LITAF: variants seen among roughly 807,000 people sequenced by gnomAD.
LITAF encodes the protein lipopolysaccharide induced TNF factor.
A neutral mutation model predicts 14.5 loss-of-function variants in LITAF; 9 were observed. The ratio of observed to expected loss-of-function variants is 0.62; its 90% CI spans 0.37 to 1.08. The LOEUF is 1.08. Among genes scored for constraint, LITAF ranks in the 50% least tolerant of loss-of-function variants. LITAF has a pLI of 0.01. For synonymous variants in LITAF, 98 were observed against 88.2 expected, an observed-to-expected ratio of 1.11 and a Z score of -0.62; for missense variants, 206 against 213.4, an observed-to-expected ratio of 0.97 and a Z score of 0.22.
upstream of LITAF, among the ~76,000 whole-genome samples, chr16:11,599,755 C>T (rs560871633): frequency 3.9e-5 from 6 of 152,140 alleles, no homozygotes; most frequent in Admixed American, 2.6e-4. Context: ...TCACTCCACT[C>T]CAGCCACAGG....
chr16:11,619,268 A>G (rs941869279), intron 3 of LITAF, among the ~76,000 whole-genome samples: 3 of 151,832 alleles, frequency 2.0e-5, no homozygotes, highest in Non-Finnish European at 4.4e-5. Flanking sequence ...CCGAGATCAC[A>G]TCACTGTACT....
intron 3 of LITAF, among the ~76,000 whole-genome samples, chr16:11,552,419 C>T (rs8048403): frequency 0.15 from 23,139 of 152,086 alleles, 1,914 homozygotes; most frequent in Non-Finnish European, 0.18. Context: ...AAAAATACTT[C>T]GGGTCATAAA....
intron 1 of LITAF, among the ~76,000 whole-genome samples, chr16:11,575,944 A>C (rs1333493923): frequency 6.6e-6 from 1 of 152,178 alleles, no homozygotes; most frequent in Non-Finnish European, 1.5e-5. Context: ...GCAGTGGCGC[A>C]ATCATAGCTT....
At chr16:11,635,886 T>G (rs1567270193) in exon 2 of LITAF, 1 of 152,228 alleles carries the variant, frequency 6.6e-6, no homozygotes, top group Non-Finnish European at 1.5e-5. Flanking sequence ...CACGGGCACA[T>G]GGGGCCAGAC....
chr16:11,556,807 C>A, intron 1 of LITAF, 72 bp from the exon 2 acceptor site: 1 of 1,300,284 alleles, frequency 7.7e-7, no homozygotes, highest in East Asian at 2.3e-5. Context: ...CCTAAGTCTT[C>A]AATTTTCTTT....
intron 1 of LITAF, among the ~76,000 whole-genome samples, chr16:11,595,665 C>T (rs888069719): frequency 3.3e-5 from 5 of 152,072 alleles, no homozygotes; most frequent in Non-Finnish European, 5.9e-5. Flanking sequence ...GGAGGCGGAG[C>T]TTGCAGTGAG....
At chr16:11,582,680 T>C (rs1043996025) in intron 1 of LITAF, among the ~76,000 whole-genome samples, 5 of 152,128 alleles carry the variant, frequency 3.3e-5, no homozygotes, top group African/African-American at 7.2e-5. Context: ...CACATGCAAA[T>C]TGTCAGGTCC....
chr16:11,557,605 C>A (rs956423963), intron 1 of LITAF, among the ~76,000 whole-genome samples: 1 of 152,006 alleles, frequency 6.6e-6, no homozygotes, highest in East Asian at 1.9e-4. Flanking sequence ...ATGTGCCCCC[C>A]CGCCCGGCTA....
At chr16:11,624,205 G>C (rs1468958585) in intron 3 of LITAF, among the ~76,000 whole-genome samples, 1 of 152,108 alleles carries the variant, frequency 6.6e-6, no homozygotes, top group African/African-American at 2.4e-5. Context: ...TTCATTATCA[G>C]GTAGGCCTTT....
intron 1 of LITAF, among the ~76,000 whole-genome samples, chr16:11,597,980 C>A (rs954012642): frequency 2.0e-5 from 3 of 152,154 alleles, no homozygotes; most frequent in Non-Finnish European, 4.4e-5. Flanking sequence ...TATCATAGCT[C>A]ACTGCAGCCT....
At chr16:11,626,537 AC>A (rs752477977) in intron 3 of LITAF, among the ~76,000 whole-genome samples, 3 of 151,996 alleles carry the variant, frequency 2.0e-5, no homozygotes, top group Non-Finnish European at 4.4e-5. Context: ...GACCAATTTC[AC>A]CATATTGGCC....
chr16:11,604,507 C>T (rs1229943603), intron 3 of LITAF, among the ~76,000 whole-genome samples: 2 of 151,816 alleles, frequency 1.3e-5, no homozygotes, highest in African/African-American at 2.4e-5. Flanking sequence ...GCACAAATGC[C>T]ATCATCAAGA....
At chr16:11,638,032 C>CTATATATATCTA (rs1368034314), upstream of LITAF, among the ~76,000 whole-genome samples, 22 of 83,404 alleles carry the variant, frequency 2.6e-4, 3 homozygotes, top group East Asian at 3.7e-3. Flanking sequence ...ATCTATATAT[C>CTATATATATCTA]TATATATATC....
rs2065123931 is a variant in LITAF at position 11,632,749 on chromosome 16, AG to A, written c.85+783del. 6.6e-6 allele frequency among the ~76,000 whole-genome samples: 1 copy of A among 152,200 alleles called. No homozygotes were observed. Among genetic ancestry groups the A allele is most frequent in the Non-Finnish European group, 1.5e-5 (1 of 68,014 alleles). ...TCTGCTGGCTCTGAGCGCAGAGTCC[AG>A]CCCCCATGCACATGACTATGTGGTG... On this transcript the variant is annotated intron_variant, in intron 3 of 3. Coordinates refer to the LITAF transcript ENST00000574848. This position sits in a 1 kb window ranked among gnomAD's most constrained non-coding sequence, Gnocchi z 4.8.
chr16:11,628,009 C>CAAAA (rs34480494), intron 3 of LITAF, among the ~76,000 whole-genome samples: 6 of 54,710 alleles, frequency 1.1e-4, no homozygotes, highest in Admixed American at 2.0e-4. Flanking sequence ...GAGACTCTGT[C>CAAAA]AAAAAAAAAA....
At chr16:11,556,477 G>A (rs1306707404) in intron 2 of LITAF, 34 bp downstream of exon 2, 20 of 1,579,732 alleles carry the variant, frequency 1.3e-5, no homozygotes, top group Admixed American at 5.2e-5. Flanking sequence ...GAGGGCCAAG[G>A]AATGGTAAGG....
intron 3 of LITAF, among the ~76,000 whole-genome samples, chr16:11,607,191 G>A (rs957861575): frequency 6.6e-6 from 1 of 152,148 alleles, no homozygotes; most frequent in Non-Finnish European, 1.5e-5. Context: ...CACTCTCAGG[G>A]CAGGTGCCCC....
At chr16:11,572,513 TGCTGACGGGACATCACACACCG>T (rs1295832228) in intron 1 of LITAF, among the ~76,000 whole-genome samples, 2 of 151,608 alleles carry the variant, frequency 1.3e-5, no homozygotes, top group East Asian at 1.9e-4. Flanking sequence ...ATCACACACC[TGCTGACGGGACATCACACACCG>T]GCTGACTGAC....
rs2064142298 is a variant in LITAF, at chr16:11,548,878, T to A, written c.*759A>T. Reference sequence around the variant, plus strand: ...GACCAAAAGGAGGTCATAAAAACTGTTCATATAATTACTCTATGAGAAAAA... The same window carrying A: ...GACCAAAAGGAGGTCATAAAAACTGATCATATAATTACTCTATGAGAAAAA... On this transcript the variant is annotated 3_prime_UTR_variant, in exon 4 of 4. Coordinates refer to ENST00000622633, the MANE Select transcript of LITAF (RefSeq NM_001136472.2). 1 of 453,804 alleles carries A rather than the reference T, an allele frequency of 2.2e-6. No individual in the cohort carries two copies. Among genetic ancestry groups the A allele is most frequent in the African/African-American group, 2.0e-5 (1 of 49,938 alleles). The allele number at this position is 453,804 out of a possible 1,614,324, so 28.1% of individuals were successfully genotyped here. A position where few individuals can be genotyped will look rare whatever the true frequency, so the allele number is the denominator to read the frequency against.
Sources: gnomAD v4.1 joint callset for allele counts (sites outside exome capture counted in the v4.1 genomes callset) on GRCh38, gnomAD v4.1.1 for gene constraint, Gnocchi (gnomAD v3.1) non-coding constraint, MANE v1.5 for transcripts, NCBI Gene and HGNC (gene_info 2026-07-23, HGNC 2026-07-21) for gene names.